HOOK3: variants seen among roughly 807,000 people sequenced by gnomAD.
HOOK3 encodes protein Hook homolog 3.
In HOOK3, 24 loss-of-function variants were observed where a neutral mutation model predicts 116.3. That is an observed-to-expected ratio of 0.21 (90% CI 0.15 to 0.29). The LOEUF is 0.29. Among genes scored for constraint, HOOK3 ranks in the 10% least tolerant of loss-of-function variants. The pLI is 1.00. For missense variants in HOOK3, 632 were observed against 830.2 expected (o/e 0.76, Z 2.93); for synonymous variants, 275 against 283.0 (o/e 0.97, Z 0.28).
intron 15 of HOOK3, among the ~76,000 whole-genome samples, chr8:42,990,215 C>G (rs1327661584): frequency 6.8e-6 from 1 of 147,834 alleles, no homozygotes; most frequent in East Asian, 2.2e-4. Flanking sequence ...AGGCTGGTTT[C>G]AAACTCCTGG....
intron 2 of HOOK3, among the ~76,000 whole-genome samples, chr8:42,909,989 G>T (rs1625050): frequency 6.6e-6 from 1 of 152,046 alleles, no homozygotes; most frequent in Non-Finnish European, 1.5e-5. Flanking sequence ...TCTGTTAGGA[G>T]GAATACATTT....
rs1469120018 is a variant in HOOK3 at position 43,022,099 on chromosome 8, A to AC, written c.*3601_*3602insC. The stretch of plus-strand genomic sequence containing the variant: ...ACAGGCTGTTGTAAAAAAAAAAAAA[A>AC]AAAAAACTTCTGAATATACTTTAGG... On this transcript the variant is annotated 3_prime_UTR_variant, in exon 22 of 22. Coordinates refer to ENST00000307602, the MANE Select transcript of HOOK3 (RefSeq NM_032410.4). 2.5e-5 allele frequency: 5 copies of AC among 201,144 alleles called. No individual in the cohort carries two copies. The highest frequency in any genetic ancestry group is 3.1e-5 in the Non-Finnish European group (3 of 97,680). The allele number at this position is 201,144 out of a possible 1,614,324, so 12.5% of individuals were successfully genotyped here.
intron 19 of HOOK3, among the ~76,000 whole-genome samples, chr8:43,011,648 A>G (rs1410274536): frequency 2.0e-5 from 3 of 152,130 alleles, no homozygotes; most frequent in Non-Finnish European, 4.4e-5. Flanking sequence ...TCAAGGCTGG[A>G]GGATTGCTTT....
At chr8:42,972,893 C>G (rs1056554853) in intron 11 of HOOK3, among the ~76,000 whole-genome samples, 8 of 152,348 alleles carry the variant, frequency 5.3e-5, no homozygotes, top group Admixed American at 5.2e-4. Flanking sequence ...AGAGCATCTG[C>G]ATGAACTTCT....
chr8:43,029,543 T>C lies in HOOK3; in HGVS notation c.*11045T>C, dbSNP rs2130510524. ...AACTTTGCTGTTTACAGGTTCTGTG[T>C]AATTCAGAATGCTTTGTACTTAGAA... is the stretch of plus-strand genomic sequence containing the variant. On this transcript the variant is annotated 3_prime_UTR_variant, in exon 22 of 22. Coordinates refer to ENST00000307602, the MANE Select transcript of HOOK3 (RefSeq NM_032410.4). 5.3e-6 allele frequency: 1 copy of C among 187,438 alleles called. No homozygotes were observed. Among genetic ancestry groups the C allele is most frequent in the Non-Finnish European group, 1.1e-5 (1 of 88,800 alleles). 11.6% of individuals were successfully genotyped at this position (187,438 alleles called of 1,614,324 possible).
rs1809979837 is a variant in HOOK3, at chr8:43,028,950, G to A, written c.*10452G>A. 5.0e-6 allele frequency: 1 copy of A among 201,388 alleles called. No individual in the cohort carries two copies. Among genetic ancestry groups the A allele is most frequent in the Non-Finnish European group, 1.0e-5 (1 of 97,776 alleles). The allele number at this position is 201,388 out of a possible 1,614,324, so 12.5% of individuals were successfully genotyped here. Reference sequence around the variant, plus strand: ...CTTATTGTAGTTCAAGTACAGATGAGTAAGTGGTGTGACTTCAGTTTATTA... The same window carrying A: ...CTTATTGTAGTTCAAGTACAGATGAATAAGTGGTGTGACTTCAGTTTATTA... On this transcript the variant is annotated 3_prime_UTR_variant, in exon 22 of 22. Coordinates refer to ENST00000307602, the MANE Select transcript of HOOK3 (RefSeq NM_032410.4).
rs1031337083 is a variant in HOOK3 at position 43,028,029 on chromosome 8, T to C, written c.*9531T>C. On this transcript the variant is annotated 3_prime_UTR_variant, in exon 22 of 22. Coordinates refer to ENST00000307602, the MANE Select transcript of HOOK3 (RefSeq NM_032410.4). ...TTATAAAAATTAATACTAATCCTTT[T>C]TAAAGACCTTGGAAAAAATCAAAAC... 5 of 192,986 alleles carry C rather than the reference T, an allele frequency of 2.6e-5. No homozygotes were observed. The highest frequency in any genetic ancestry group is 6.1e-5 in the Admixed American group (1 of 16,330). 12.0% of individuals were successfully genotyped at this position (192,986 alleles called of 1,614,324 possible).
At chr8:42,953,881 A>C (rs1455347268) in intron 6 of HOOK3, among the ~76,000 whole-genome samples, 1 of 152,220 alleles carries the variant, frequency 6.6e-6, no homozygotes, top group East Asian at 1.9e-4. Flanking sequence ...GCATAGAAGT[A>C]GTGACCGAGA....
intron 18 of HOOK3, 38 bp from the exon 19 acceptor site, chr8:43,010,267 T>A (rs1035152773): frequency 2.3e-6 from 1 of 439,498 alleles, no homozygotes; most frequent in East Asian, 6.6e-5. Context: ...TTATATATAT[T>A]ATCTAAATAT....
intron 2 of HOOK3, 115 bp downstream of exon 2, chr8:42,906,373 C>T (rs901032735): frequency 5.1e-5 from 37 of 718,812 alleles, no homozygotes; most frequent in South Asian, 2.3e-4. Context: ...GAGTTGTAGG[C>T]GGCAGCAGCA....
intron 4 of HOOK3, among the ~76,000 whole-genome samples, chr8:42,933,402 A>G (rs1807907499): frequency 6.6e-6 from 1 of 152,218 alleles, no homozygotes; most frequent in African/African-American, 2.4e-5. Flanking sequence ...TGATGCATAC[A>G]CTACGTATTG....
chr8:42,959,326 G>C lies in HOOK3; in HGVS notation c.615+12G>C. ...AACTGGATATGCAGGTAAGAGATTTGTTCTGTGCACCACCTCTTTGAAACA... is the reference window on the plus strand; with the variant it reads ...AACTGGATATGCAGGTAAGAGATTTCTTCTGTGCACCACCTCTTTGAAACA... On this transcript the variant is annotated intron_variant, in intron 8 of 21. Transcript: ENST00000307602. 1 of 1,560,142 alleles carries C rather than the reference G, an allele frequency of 6.4e-7. No homozygotes were observed. The highest frequency in any genetic ancestry group is 2.2e-5 in the East Asian group (1 of 44,658).
chr8:42,943,860 T>C (rs1257900236), intron 5 of HOOK3, among the ~76,000 whole-genome samples: 1 of 152,216 alleles, frequency 6.6e-6, no homozygotes, highest in East Asian at 1.9e-4. Flanking sequence ...TTAGGCATAT[T>C]GTATTTGGAA....
At chr8:42,986,102 T>C (rs903457958) in intron 14 of HOOK3, among the ~76,000 whole-genome samples, 3 of 152,256 alleles carry the variant, frequency 2.0e-5, no homozygotes, top group African/African-American at 7.2e-5. Flanking sequence ...TGGCAAGTTC[T>C]GTATGGATAC....
intron 13 of HOOK3, among the ~76,000 whole-genome samples, chr8:42,978,572 G>A (rs992589235): frequency 7.2e-5 from 11 of 151,876 alleles, no homozygotes; most frequent in African/African-American, 2.4e-4. Context: ...CACCACACCC[G>A]GCTAGTTTTT....
intron 21 of HOOK3, among the ~76,000 whole-genome samples, chr8:43,015,859 A>G (rs1009032216): frequency 5.3e-5 from 8 of 151,804 alleles, no homozygotes; most frequent in Non-Finnish European, 8.8e-5. Context: ...CTGGGGTTAC[A>G]GGCGCCCGCC....
At chr8:42,989,922 T>A (rs889176367) in intron 15 of HOOK3, among the ~76,000 whole-genome samples, 1 of 152,220 alleles carries the variant, frequency 6.6e-6, no homozygotes, top group Non-Finnish European at 1.5e-5. Flanking sequence ...AGGATTTCAT[T>A]CTTTTTTATG....
chr8:42,923,847 T>C (rs1002228535), intron 2 of HOOK3, among the ~76,000 whole-genome samples: 1 of 152,180 alleles, frequency 6.6e-6, no homozygotes, highest in Non-Finnish European at 1.5e-5. Context: ...AGTAAATAGA[T>C]AATGAAGTTA....
At chr8:42,904,306 CTTT>C (rs753501072) in intron 1 of HOOK3, among the ~76,000 whole-genome samples, 1 of 122,432 alleles carries the variant, frequency 8.2e-6, no homozygotes, top group Admixed American at 8.3e-5. Context: ...CCGGTATGAT[CTTT>C]TTTTTTTTTT....
Sources: allele counts gnomAD v4.1 joint callset (sites outside exome capture counted in the v4.1 genomes callset), GRCh38; gene constraint gnomAD v4.1.1; transcripts MANE v1.5; gene names NCBI Gene and HGNC (gene_info 2026-07-23, HGNC 2026-07-21).